The following SDK1 variants were observed in gnomAD, a reference collection of about 807,000 sequenced individuals.
SDK1 encodes the protein sidekick cell adhesion molecule 1, also known as protein sidekick-1.
SDK1 carries 157 observed loss-of-function variants against 245.5 expected under a neutral mutation model. The ratio of observed to expected loss-of-function variants is 0.64; its 90% CI spans 0.56 to 0.73. The LOEUF (loss-of-function observed/expected upper bound fraction) is 0.73, where lower values mean the gene tolerates loss of function less well. Ranked by LOEUF, SDK1 falls within the 30% of genes least tolerant of loss-of-function variation. SDK1 has a pLI of 0.00. For synonymous variants in SDK1, 1,647 were observed against 1,278.5 expected (o/e 1.29, Z -6.15); for missense variants, 3,583 against 3,002.3 (o/e 1.19, Z -4.52).
At chr7:3,600,437 A>C (rs1781217210) in intron 1 of SDK1, among the ~76,000 whole-genome samples, 1 of 151,890 alleles carries the variant, frequency 6.6e-6, no homozygotes, top group African/African-American at 2.4e-5. Context: ...CAGTGGCGAG[A>C]CCTTCCTATA....
At chr7:3,657,693 C>T (rs2128658248) in intron 4 of SDK1, among the ~76,000 whole-genome samples, 1 of 152,262 alleles carries the variant, frequency 6.6e-6, no homozygotes, top group South Asian at 2.1e-4. Flanking sequence ...GGGGACATTC[C>T]TGGAGGCAGG....
chr7:3,966,612 C>G (rs1204294669), intron 9 of SDK1, among the ~76,000 whole-genome samples: 1 of 152,046 alleles, frequency 6.6e-6, no homozygotes, highest in Non-Finnish European at 1.5e-5. Context: ...TTTTAACTCT[C>G]AGAACAGATC....
intron 14 of SDK1, among the ~76,000 whole-genome samples, chr7:3,991,393 C>G (rs1024939519): frequency 1.3e-5 from 2 of 152,180 alleles, no homozygotes; most frequent in African/African-American, 4.8e-5. Context: ...TTTCCCTCCT[C>G]AGGGCTCCCT....
intron 1 of SDK1, among the ~76,000 whole-genome samples, chr7:3,511,965 C>T (rs1238769194): frequency 6.7e-6 from 1 of 150,334 alleles, no homozygotes; most frequent in Non-Finnish European, 1.5e-5. Flanking sequence ...TGTATTGACA[C>T]CAGGATCACC....
chr7:4,008,981 C>A (rs181826470), intron 14 of SDK1, among the ~76,000 whole-genome samples: 1 of 152,244 alleles, frequency 6.6e-6, no homozygotes, highest in African/African-American at 2.4e-5. Context: ...ATACTGTTGT[C>A]TGTAGCGGCT....
chr7:4,100,090 A>G (rs761894590), intron 22 of SDK1, among the ~76,000 whole-genome samples: 11 of 152,212 alleles, frequency 7.2e-5, no homozygotes, highest in Non-Finnish European at 1.5e-4. Context: ...TTCCTGGGCA[A>G]CGGAGCAGAA....
intron 1 of SDK1, among the ~76,000 whole-genome samples, chr7:3,431,875 T>C (rs536088226): frequency 2.0e-5 from 3 of 151,908 alleles, no homozygotes; most frequent in Admixed American, 6.6e-5. Flanking sequence ...ATTTTTTTTT[T>C]AAATGGCTGA....
intron 31 of SDK1, among the ~76,000 whole-genome samples, chr7:4,161,042 C>T (rs1466144174): frequency 1.3e-5 from 2 of 152,188 alleles, no homozygotes; most frequent in Admixed American, 1.3e-4. Flanking sequence ...TCTGCTGGGC[C>T]CCCGGGATCT....
At chr7:3,401,809 C>G (rs767739244) in intron 1 of SDK1, among the ~76,000 whole-genome samples, 1 of 152,010 alleles carries the variant, frequency 6.6e-6, no homozygotes, top group Non-Finnish European at 1.5e-5. Flanking sequence ...ACATCTGAAT[C>G]TTGGCCAAAA....
At chr7:3,316,416 G>A (rs1397104431) in intron 1 of SDK1, among the ~76,000 whole-genome samples, 2 of 152,132 alleles carry the variant, frequency 1.3e-5, no homozygotes, top group Non-Finnish European at 2.9e-5. Flanking sequence ...TAGGTGTGTA[G>A]GAGGCCATAA....
intron 4 of SDK1, among the ~76,000 whole-genome samples, chr7:3,735,539 G>C (rs769272764): frequency 6.6e-6 from 1 of 152,154 alleles, no homozygotes; most frequent in Non-Finnish European, 1.5e-5. Context: ...GGATGCATAG[G>C]GCACGGTGTG....
chr7:3,576,644 A>G (rs1456855741), intron 1 of SDK1, among the ~76,000 whole-genome samples: 3 of 151,956 alleles, frequency 2.0e-5, no homozygotes, highest in African/African-American at 7.2e-5. Context: ...ATTTTTCTCC[A>G]GTGTAGGCAA....
chr7:4,258,812 C>G (rs1380177009), intron 44 of SDK1, among the ~76,000 whole-genome samples: 1 of 152,172 alleles, frequency 6.6e-6, no homozygotes, highest in African/African-American at 2.4e-5. Flanking sequence ...AGTCTTGAAC[C>G]TCATATTTGA....
chr7:3,504,182 A>ATGTGTGTATGTGTGTGTGTG (rs1554281088), intron 1 of SDK1, among the ~76,000 whole-genome samples: 3 of 131,886 alleles, frequency 2.3e-5, no homozygotes, highest in Non-Finnish European at 4.7e-5. Flanking sequence ...ATATATATAT[A>ATGTGTGTATGTGTGTGTGTG]TGTGTGTGTG....
intron 5 of SDK1, among the ~76,000 whole-genome samples, chr7:3,843,574 G>T (rs1395409519): frequency 6.6e-6 from 1 of 152,108 alleles, no homozygotes; most frequent in African/African-American, 2.4e-5. Context: ...AATTCATTAT[G>T]CTTTTGATGG....
chr7:4,012,211 G>C lies in SDK1; in HGVS notation c.2396G>C (p.Gly799Ala), dbSNP rs1241590869. The part of the protein sequence containing the change: ...WQPPPETEHN[G>A]VLRGYILRYR... ...CCACCCCCAGAAACAGAGCACAACG[G>C]GGTGTTGCGTGGATACATCCTCAGG... The change falls in exon 16 of 45, where the codon GGG (glycine) becomes GCG (alanine). Residue 799 changes from glycine to alanine, a missense_variant. Gly to Ala is a moderately conservative substitution (Grantham distance 60). Coordinates refer to ENST00000404826, the MANE Select transcript of SDK1 (RefSeq NM_152744.4). The C allele has an allele frequency of 1.3e-6, 2 of 1,546,218 alleles. No individual in the cohort carries two copies. The highest frequency in any genetic ancestry group is 2.0e-5 in the Admixed American group (1 of 49,574).
intron 1 of SDK1, among the ~76,000 whole-genome samples, chr7:3,602,126 T>A (rs989911072): frequency 2.0e-5 from 3 of 151,980 alleles, no homozygotes; most frequent in African/African-American, 4.8e-5. Flanking sequence ...TGAATAGTGC[T>A]ACAATAAACA....
rs116355805 is a variant in SDK1 at position 3,793,943 on chromosome 7, A to G, written c.714-27507A>G. 1.1e-3 allele frequency among the ~76,000 whole-genome samples: 168 copies of G among 152,232 alleles called. 1 individual carries two copies. The highest frequency in any genetic ancestry group is 3.9e-3 in the African/African-American group (163 of 41,552). On this transcript the variant is annotated intron_variant, in intron 4 of 44. Coordinates refer to ENST00000404826, the MANE Select transcript of SDK1 (RefSeq NM_152744.4). ...CCCTGCCCTGTTCTGGGGAATGTGA[A>G]AATCCTCTACTGCTGAAGGCCTTTT...
chr7:4,094,433 C>A (rs1782010138), intron 22 of SDK1, among the ~76,000 whole-genome samples: 1 of 152,178 alleles, frequency 6.6e-6, no homozygotes, highest in African/African-American at 2.4e-5. Context: ...ACAGAACTTG[C>A]TTCTGCTCTA....
Sources: allele counts gnomAD v4.1 joint callset (sites outside exome capture counted in the v4.1 genomes callset), GRCh38; gene constraint gnomAD v4.1.1; transcripts MANE v1.5; gene names NCBI Gene and HGNC (gene_info 2026-07-23, HGNC 2026-07-21).